TSFM: variants seen among roughly 807,000 people sequenced by gnomAD.
TSFM encodes the protein elongation factor Ts, mitochondrial.
Under a neutral mutation model 33.4 loss-of-function variants are expected in TSFM, and 29 were observed. That is an observed-to-expected ratio of 0.87 (90% CI 0.65 to 1.18). TSFM has a LOEUF of 1.18. TSFM is among the 50% of genes most tolerant of loss of function. The pLI is 0.00. For synonymous variants in TSFM, 178 were observed against 163.5 expected (o/e 1.09, Z -0.68); for missense variants, 394 against 395.6 (o/e 1.00, Z 0.04).
At position 57,796,345 on chromosome 12, in the gene TSFM, C is replaced by T; in HGVS notation, c.740C>T (p.Thr247Ile). The change falls in exon 6 of 6, where the codon ACA becomes ATA. Residue 247 changes from threonine (T) to isoleucine (I), a missense_variant. Transcript: ENST00000652027. ...LVICETSEQK[T>I]NLEDVGRRLG... ...ATCTGTGAGACGTCTGAACAGAAAA[C>T]AAACCTTGAAGACGTTGGCCGCCGC... 6.2e-7 allele frequency: 1 copy of T among 1,608,352 alleles called. No individual in the cohort carries two copies. The highest frequency in any genetic ancestry group is 2.2e-5 in the East Asian group (1 of 44,774).
At chr12:57,788,996 C>T (rs1362170995) in intron 4 of TSFM, among the ~76,000 whole-genome samples, 1 of 140,390 alleles carries the variant, frequency 7.1e-6, no homozygotes, top group Admixed American at 7.7e-5. Context: ...GATGGAGTCT[C>T]TCTGTCACCC....
chr12:57,802,394 G>GACTAAGT, downstream of TSFM: 1 of 1,550,638 alleles, frequency 6.4e-7, no homozygotes, highest in Non-Finnish European at 8.8e-7. Flanking sequence ...TCATACCAAG[G>GACTAAGT]ACTAAGTACT....
chr12:57,793,899 T>G (rs1297469852), intron 5 of TSFM, among the ~76,000 whole-genome samples: 15 of 152,346 alleles, frequency 9.8e-5, no homozygotes. Flanking sequence ...AAAATCTGGT[T>G]GTGAATTTGT....
chr12:57,793,248 G>T (rs1195294685), intron 5 of TSFM, among the ~76,000 whole-genome samples, 175 bp downstream of exon 5: 1 of 151,634 alleles, frequency 6.6e-6, no homozygotes, highest in East Asian at 1.9e-4. Flanking sequence ...TTTTTTCCGA[G>T]ACAGAGTCTT....
At chr12:57,790,060 C>CTT (rs35382401) in intron 4 of TSFM, among the ~76,000 whole-genome samples, 2,567 of 105,320 alleles carry the variant, frequency 0.024, 91 homozygotes, top group East Asian at 0.071. Flanking sequence ...TTCTTTCTTT[C>CTT]TTTTTTTTTT....
Position 57,796,242 on chromosome 12 carries a change from G to C in TSFM, c.637G>C (p.Val213Leu). The part of the protein sequence containing the change: ...AWVKVPSGFY[V>L]GSYVHGAMQS... ...GGTGAAGGTGCCATCTGGGTTCTAC[G>C]TTGGCTCTTATGTCCACGGAGCAAT... The change falls in exon 6 of 6, where the codon GTT becomes CTT. Residue 213 changes from valine (V) to leucine (L), a missense_variant. Val to Leu is a conservative substitution (Grantham distance 32). Coordinates refer to ENST00000652027, the MANE Select transcript of TSFM (RefSeq NM_005726.6). 6.2e-7 allele frequency: 1 copy of C among 1,613,358 alleles called. No individual in the cohort carries two copies. Among genetic ancestry groups the C allele is most frequent in the Non-Finnish European group, 8.5e-7 (1 of 1,179,540 alleles).
At chr12:57,802,413 C>A (rs1351346451), downstream of TSFM, 1 of 1,501,642 alleles carries the variant, frequency 6.7e-7, no homozygotes, top group Non-Finnish European at 9.1e-7. Flanking sequence ...CTAGATCATA[C>A]ACATTACCCT....
rs527769123 is a variant in TSFM at position 57,784,688 on chromosome 12, G to T, written c.231+1405G>T. ...GAGGTTGCGAGTTCGAGACTAGCCT[G>T]ACCCACACGGAGAAACCTCGTCTCT... On this transcript the variant is annotated intron_variant, in intron 2 of 5. Coordinates refer to ENST00000652027, the MANE Select transcript of TSFM (RefSeq NM_005726.6). Among the ~76,000 whole-genome samples, 62 of 151,970 alleles carry T rather than the reference G, an allele frequency of 4.1e-4. 1 individual carries two copies. Among genetic ancestry groups the T allele is most frequent in the African/African-American group, 1.5e-3 (61 of 41,480 alleles).
chr12:57,794,604 G>A (rs1193567333), intron 5 of TSFM, among the ~76,000 whole-genome samples: 1 of 152,140 alleles, frequency 6.6e-6, no homozygotes, highest in Non-Finnish European at 1.5e-5. Context: ...AGGATGGTGG[G>A]AAAAAGCACC....
Position 57,796,606 on chromosome 12 carries a change from G to T in TSFM, c.*23G>T. On this transcript the variant is annotated 3_prime_UTR_variant, in exon 6 of 6. Coordinates refer to ENST00000652027, the MANE Select transcript of TSFM (RefSeq NM_005726.6). ...TAGGTTCCAGAGACTTTTGGCCCAG[G>T]AGGAATATTTACTTTTAGCTCTGGA... is the stretch of plus-strand genomic sequence containing the variant. 1.5e-6 allele frequency: 2 copies of T among 1,359,262 alleles called. No individual in the cohort carries two copies. The highest frequency in any genetic ancestry group is 1.9e-6 in the Non-Finnish European group (2 of 1,047,924). 84.2% of individuals were successfully genotyped at this position (1,359,262 alleles called of 1,614,324 possible).
downstream of TSFM, chr12:57,799,645 C>A: frequency 2.0e-6 from 2 of 1,025,348 alleles, no homozygotes; most frequent in South Asian, 1.6e-5. Flanking sequence ...AGAAAGAACC[C>A]TGGTTTTTTT....
In TSFM at chr12:57,796,477, ATCCC is replaced by A; in HGVS notation, c.876_879del (p.Ser293LeufsTer14). 1 of 1,589,168 alleles carries A rather than the reference ATCCC, an allele frequency of 6.3e-7. No homozygotes were observed. The highest frequency in any genetic ancestry group is 1.2e-5 in the South Asian group (1 of 86,846). On this transcript the variant is annotated frameshift_variant, in exon 6 of 6. Transcript: ENST00000652027. LOFTEE classifies it high-confidence loss of function. The stretch of plus-strand genomic sequence containing the variant: ...ATGCTGTCCCAGCCGTATTTGCTGG[ATCCC>A]TCCATTACCTTGGGGCAGTATGTGC...
At chr12:57,800,027 C>T (rs558323101), downstream of TSFM, 2 of 1,391,682 alleles carry the variant, frequency 1.4e-6, no homozygotes, top group Non-Finnish European at 2.0e-6. Context: ...GCCACTTCAC[C>T]CTCTGTAATC....
intron 5 of TSFM, 64 bp downstream of exon 5, chr12:57,793,137 CT>C: frequency 7.1e-7 from 1 of 1,409,294 alleles, no homozygotes; most frequent in Non-Finnish European, 9.9e-7. Flanking sequence ...TATCTTGTTC[CT>C]CCAAATCTAG....
intron 4 of TSFM, 30 bp from the exon 5 acceptor site, chr12:57,792,956 A>C: frequency 6.3e-7 from 1 of 1,594,628 alleles, no homozygotes; most frequent in South Asian, 1.1e-5. Context: ...GTACAGAATC[A>C]GTTCATGTTT....
chr12:57,802,619 C>G (rs1955873165), exon 6 of TSFM: 1 of 702,346 alleles, frequency 1.4e-6, no homozygotes, highest in South Asian at 1.5e-5. Context: ...TCTTGCAGAA[C>G]ACCTCCTCTT....
rs548067092 is a variant in TSFM, at chr12:57,792,428, TTACATTC to T, written c.484-555_484-549del. Among the ~76,000 whole-genome samples, 111 of 152,268 alleles carry T rather than the reference TTACATTC, an allele frequency of 7.3e-4. 1 individual carries two copies. The highest frequency in any genetic ancestry group is 2.6e-3 in the African/African-American group (107 of 41,546). On this transcript the variant is annotated intron_variant, in intron 4 of 5. Transcript: ENST00000652027. ...ATAATTGTTCTTGATTTCTAGGAAATTACATTCTAGGAAGTTAGGCTGGAGGATGAGA... is the reference window on the plus strand; with the variant it reads ...ATAATTGTTCTTGATTTCTAGGAAATTAGGAAGTTAGGCTGGAGGATGAGA...
At chr12:57,795,206 C>A (rs1955717261) in intron 5 of TSFM, among the ~76,000 whole-genome samples, 1 of 151,380 alleles carries the variant, frequency 6.6e-6, no homozygotes, top group South Asian at 2.1e-4. Flanking sequence ...TCAAGCAATT[C>A]CTCTGCCTCA....
downstream of TSFM, chr12:57,802,106 G>A: frequency 6.3e-7 from 1 of 1,580,002 alleles, no homozygotes; most frequent in South Asian, 1.1e-5. Context: ...TGCCCACTGA[G>A]CTGTTCTGAG....
Sources: gnomAD v4.1 joint callset for allele counts (sites outside exome capture counted in the v4.1 genomes callset) on GRCh38, gnomAD v4.1.1 for gene constraint, MANE v1.5 for transcripts, NCBI Gene and HGNC (gene_info 2026-07-23, HGNC 2026-07-21) for gene names.